CCDC85C: variants seen among roughly 807,000 people sequenced by gnomAD.
CCDC85C encodes the protein coiled-coil domain-containing protein 85C.
CCDC85C carries 18 observed loss-of-function variants against 38.3 expected under a neutral mutation model. The observed-to-expected ratio is 0.47, with a 90% CI of 0.33 to 0.70. The LOEUF is 0.70. Among genes scored for constraint, CCDC85C ranks in the 30% least tolerant of loss-of-function variants. The probability of loss-of-function intolerance (pLI) is 0.03; values close to 1 mark genes in which losing one functional copy is unlikely to be tolerated. For synonymous variants in CCDC85C, 264 were observed against 293.8 expected (o/e 0.90, Z 1.04); for missense variants, 566 against 621.2 (o/e 0.91, Z 0.94).
chr14:99,579,935 C>T, intron 1 of CCDC85C: 1 of 307,246 alleles, frequency 3.3e-6, no homozygotes, highest in South Asian at 1.9e-5. Context: ...CTGGCTCAGT[C>T]CAAGACTTTG....
chr14:99,599,010 G>C (rs1021188705), intron 1 of CCDC85C, among the ~76,000 whole-genome samples: 1 of 152,158 alleles, frequency 6.6e-6, no homozygotes, highest in African/African-American at 2.4e-5. Flanking sequence ...GAAGGAGGGG[G>C]AAAGGCTTAT....
At position 99,517,371 on chromosome 14, in the gene CCDC85C, C is replaced by T. The variant is rs371274145; in HGVS notation, c.976-188G>A. The stretch of plus-strand genomic sequence containing the variant: ...AGCCCACAGCCAGTCTGGCCAGTCC[C>T]GCCCACCAGGTCTTCTGCAGATGAA... On this transcript the variant is annotated intron_variant, in intron 3 of 5. Coordinates refer to ENST00000380243, the MANE Select transcript of CCDC85C (RefSeq NM_001144995.2). Among the ~76,000 whole-genome samples, 21 of 152,298 alleles carry T rather than the reference C, an allele frequency of 1.4e-4. No individual in the cohort carries two copies. The East Asian group carries it at 3.3e-3, about 24-fold the overall frequency.
intron 3 of CCDC85C, 62 bp downstream of exon 3, chr14:99,522,071 G>A (rs973390377): frequency 2.5e-5 from 33 of 1,338,058 alleles, no homozygotes; most frequent in Non-Finnish European, 2.6e-5. Flanking sequence ...GCAGGTCACT[G>A]GCCCGCCTGA....
At chr14:99,550,093 G>C (rs1007136138) in intron 1 of CCDC85C, among the ~76,000 whole-genome samples, 2 of 152,120 alleles carry the variant, frequency 1.3e-5, no homozygotes, top group African/African-American at 4.8e-5. Context: ...TCTCAGCCTG[G>C]GCTTGTGAAC....
chr14:99,552,672 C>A (rs1897933985), intron 1 of CCDC85C, among the ~76,000 whole-genome samples: 1 of 152,344 alleles, frequency 6.6e-6, no homozygotes, highest in South Asian at 2.1e-4. Flanking sequence ...TCCACCCAGG[C>A]CCTCCCCATC....
chr14:99,515,553 C>T (rs1043948401), intron 5 of CCDC85C, among the ~76,000 whole-genome samples: 13 of 152,196 alleles, frequency 8.5e-5, no homozygotes, highest in Non-Finnish European at 1.3e-4. Flanking sequence ...GGGTGTGGCT[C>T]AGCCTTGCAG....
Position 99,572,620 on chromosome 14 carries a change from A to G in CCDC85C, c.793+30547T>C. 2.2e-6 allele frequency: 1 copy of G among 452,986 alleles called. No individual in the cohort carries two copies. The highest frequency in any genetic ancestry group is 1.6e-5 in the South Asian group (1 of 64,340). The allele number at this position is 452,986 out of a possible 1,614,324, so 28.1% of individuals were successfully genotyped here. A position where few individuals can be genotyped will look rare whatever the true frequency, so the allele number is the denominator to read the frequency against. Reference sequence around the variant, plus strand: ...ATCTGTCCTTTGCTGGAAACCTTCCAGGGACGACAGCTGCTTATCATCCAA... The same window carrying G: ...ATCTGTCCTTTGCTGGAAACCTTCCGGGGACGACAGCTGCTTATCATCCAA... On this transcript the variant is annotated intron_variant, in intron 1 of 5. Transcript: ENST00000380243. The surrounding 1 kb of genome is among the most constrained non-coding windows in gnomAD (Gnocchi z 4.4).
intron 1 of CCDC85C, among the ~76,000 whole-genome samples, chr14:99,595,836 C>A (rs1466455543): frequency 6.6e-6 from 1 of 152,206 alleles, no homozygotes; most frequent in Admixed American, 6.5e-5. Context: ...AACAGGGACC[C>A]CAATGGGGAC....
At chr14:99,540,583 G>A (rs1897693189) in intron 1 of CCDC85C, among the ~76,000 whole-genome samples, 1 of 152,226 alleles carries the variant, frequency 6.6e-6, no homozygotes, top group Admixed American at 6.5e-5. Flanking sequence ...CAGCTTGGCT[G>A]CCTGAGGGCA....
chr14:99,551,621 T>G (rs1204907949), intron 1 of CCDC85C, among the ~76,000 whole-genome samples: 4 of 113,284 alleles, frequency 3.5e-5, no homozygotes, highest in Non-Finnish European at 7.1e-5. Context: ...GGTGAGCAGT[T>G]GAGTGTGCAG....
chr14:99,603,813 G>T lies in CCDC85C; in HGVS notation c.147C>A (p.His49Gln). 1 of 1,525,274 alleles carries T rather than the reference G, an allele frequency of 6.6e-7. No homozygotes were observed. The highest frequency in any genetic ancestry group is 8.8e-7 in the Non-Finnish European group (1 of 1,142,414). 94.5% of individuals were successfully genotyped at this position (1,525,274 alleles called of 1,614,324 possible). Residue 49 changes from histidine to glutamine, a missense_variant, in exon 1 of 6, where the codon CAC becomes CAA. By Grantham distance (24) the His-to-Gln change is conservative. Coordinates refer to ENST00000380243, the MANE Select transcript of CCDC85C (RefSeq NM_001144995.2). This position sits in a 1 kb window ranked among gnomAD's most constrained non-coding sequence, Gnocchi z 7.5. Reference sequence around the variant, plus strand: ...GGTTCACGTCGCGCATCAGGCCGCCGTGCTCCAGCATGAGGCCCACCTTCT... The same window carrying T: ...GGTTCACGTCGCGCATCAGGCCGCCTTGCTCCAGCATGAGGCCCACCTTCT... Reference protein sequence around the residue: ...EGEKVGLMLEHGGLMRDVNRR... With the variant: ...EGEKVGLMLEQGGLMRDVNRR...
At chr14:99,584,707 C>A (rs1400152625) in intron 1 of CCDC85C, among the ~76,000 whole-genome samples, 1 of 152,212 alleles carries the variant, frequency 6.6e-6, no homozygotes, top group Non-Finnish European at 1.5e-5. Flanking sequence ...GGCTTTGCAG[C>A]CAGAATAAGT....
At chr14:99,564,872 G>A (rs8021475) in intron 1 of CCDC85C, among the ~76,000 whole-genome samples, 2,490 of 152,336 alleles carry the variant, frequency 0.016, 66 homozygotes, top group African/African-American at 0.056. Flanking sequence ...CACTGGACAC[G>A]GGTGGGGAGG....
At chr14:99,592,125 T>C (rs917302884) in intron 1 of CCDC85C, among the ~76,000 whole-genome samples, 7 of 152,214 alleles carry the variant, frequency 4.6e-5, no homozygotes, top group African/African-American at 1.7e-4. Context: ...ATTCCCTTTA[T>C]GATGGAATTT....
At chr14:99,597,835 G>A (rs2055159115) in intron 1 of CCDC85C, among the ~76,000 whole-genome samples, 1 of 152,174 alleles carries the variant, frequency 6.6e-6, no homozygotes, top group South Asian at 2.1e-4. Flanking sequence ...GTGTGTCAGG[G>A]GATCTCCCAC....
rs776784723 is a variant in CCDC85C, at chr14:99,568,246, C to CTTTTTTTTTTTTTT, written c.794-32159_794-32158insAAAAAAAAAAAAAA. Among the ~76,000 whole-genome samples the CTTTTTTTTTTTTTT allele has an allele frequency of 5.2e-5, 6 of 114,482 alleles. 1 individual carries two copies. Among genetic ancestry groups the CTTTTTTTTTTTTTT allele is most frequent in the Non-Finnish European group, 1.0e-4 (6 of 58,428 alleles). The allele number at this position is 114,482 out of a possible 152,430, so 75.1% of individuals were successfully genotyped here. The stretch of plus-strand genomic sequence containing the variant: ...AGACACTCTCTGGAGGCCACCTGCC[C>CTTTTTTTTTTTTTT]TTTATTTTTTTTTTTTTTTTTTTTG... On this transcript the variant is annotated intron_variant, in intron 1 of 5. Transcript: ENST00000380243.
chr14:99,594,393 T>C (rs6575739), intron 1 of CCDC85C, among the ~76,000 whole-genome samples: 150,203 of 152,300 alleles, frequency 0.99, 74,106 homozygotes, highest in Middle Eastern at 1. Context: ...GGGAGGCTGG[T>C]CTGGGCCAGG....
At chr14:99,565,245 G>A (rs1042845220) in intron 1 of CCDC85C, among the ~76,000 whole-genome samples, 4 of 152,122 alleles carry the variant, frequency 2.6e-5, no homozygotes, top group African/African-American at 7.2e-5. Flanking sequence ...TCCACAGCTC[G>A]TCGTGTGCAC....
At position 99,520,143 on chromosome 14, in the gene CCDC85C, C is replaced by T. The variant is rs1167464127; in HGVS notation, c.975+1990G>A. On this transcript the variant is annotated intron_variant, in intron 3 of 5. Transcript: ENST00000380243. This position sits in a 1 kb window ranked among gnomAD's most constrained non-coding sequence, Gnocchi z 4.1. The stretch of plus-strand genomic sequence containing the variant: ...GTCACCTGCTTTACCCAGGGACTCT[C>T]CAGCATGCCCTCAATGTGCCCATGA... Among the ~76,000 whole-genome samples, 5 of 152,186 alleles carry T rather than the reference C, an allele frequency of 3.3e-5. No individual in the cohort carries two copies. The highest frequency in any genetic ancestry group is 7.4e-5 in the Non-Finnish European group (5 of 68,020).
Sources: allele counts gnomAD v4.1 joint callset (sites outside exome capture counted in the v4.1 genomes callset), GRCh38; gene constraint gnomAD v4.1.1; non-coding constraint Gnocchi (gnomAD v3.1); transcripts MANE v1.5; gene names NCBI Gene and HGNC (gene_info 2026-07-23, HGNC 2026-07-21).